Variants in AMBRA1 observed in about 807,000 individuals in gnomAD.
AMBRA1 encodes autophagy and beclin 1 regulator 1, also known as activating molecule in BECN1-regulated autophagy protein 1.
In AMBRA1, 47 loss-of-function variants were observed where a neutral mutation model predicts 125.4. The observed-to-expected ratio is 0.37, with a 90% CI of 0.30 to 0.48. AMBRA1 has a LOEUF of 0.48. Among genes scored for constraint, AMBRA1 ranks in the 20% least tolerant of loss-of-function variants. The pLI is 0.99. For synonymous variants in AMBRA1, 626 were observed against 655.5 expected (o/e 0.95, Z 0.69); for missense variants, 1,331 against 1,693.4 (o/e 0.79, Z 3.76).
intron 1 of AMBRA1, among the ~76,000 whole-genome samples, chr11:46,585,492 C>T (rs921376121): frequency 2.0e-5 from 3 of 147,882 alleles, no homozygotes; most frequent in Admixed American, 1.4e-4. Flanking sequence ...ATGGTGAAAG[C>T]CCGACTCTAC....
intron 14 of AMBRA1, among the ~76,000 whole-genome samples, chr11:46,426,197 G>A (rs542263749): frequency 1.3e-5 from 2 of 152,318 alleles, no homozygotes; most frequent in South Asian, 2.1e-4. Flanking sequence ...CAGTGATAGT[G>A]GTGGTGAGCA....
chr11:46,410,946 C>T (rs564677866), intron 15 of AMBRA1, among the ~76,000 whole-genome samples: 2 of 152,156 alleles, frequency 1.3e-5, no homozygotes, highest in South Asian at 4.2e-4. Flanking sequence ...ACTAAAAATA[C>T]AAAAATTAGC....
intron 11 of AMBRA1, among the ~76,000 whole-genome samples, chr11:46,483,549 C>A (rs1263601382): frequency 6.6e-6 from 1 of 152,128 alleles, no homozygotes; most frequent in Non-Finnish European, 1.5e-5. Flanking sequence ...AACGAGGCTG[C>A]TTGGAGATAG....
chr11:46,454,619 C>T (rs1363684493), intron 11 of AMBRA1, among the ~76,000 whole-genome samples: 1 of 149,216 alleles, frequency 6.7e-6, no homozygotes, highest in Non-Finnish European at 1.5e-5. Flanking sequence ...GGCGAGGTGG[C>T]GGGCGCCTGC....
At chr11:46,477,707 G>A (rs1949876090) in intron 11 of AMBRA1, among the ~76,000 whole-genome samples, 1 of 151,896 alleles carries the variant, frequency 6.6e-6, no homozygotes, top group South Asian at 2.1e-4. Context: ...AATATCCAGG[G>A]TTTATCAACA....
At chr11:46,483,346 A>G (rs1452146036) in intron 11 of AMBRA1, among the ~76,000 whole-genome samples, 1 of 152,192 alleles carries the variant, frequency 6.6e-6, no homozygotes, top group Admixed American at 6.5e-5. Context: ...TTTCCCCATC[A>G]TGGCTCATAC....
At chr11:46,545,018 T>C (rs557018430) in intron 5 of AMBRA1, among the ~76,000 whole-genome samples, 1 of 151,772 alleles carries the variant, frequency 6.6e-6, no homozygotes, top group South Asian at 2.1e-4. Context: ...TCCCAGATAC[T>C]CATAAGACTG....
chr11:46,432,037 T>G (rs1947479941), intron 14 of AMBRA1, among the ~76,000 whole-genome samples: 1 of 152,164 alleles, frequency 6.6e-6, no homozygotes, highest in Non-Finnish European at 1.5e-5. Context: ...TTATTTTTAT[T>G]TATTTATTTT....
chr11:46,401,267 G>GTC (rs1945744968), intron 17 of AMBRA1, among the ~76,000 whole-genome samples: 7 of 142,330 alleles, frequency 4.9e-5, no homozygotes, highest in Admixed American at 4.3e-4. Flanking sequence ...TCGAGACAGA[G>GTC]TCTCGCTCTG....
Position 46,542,516 on chromosome 11 carries a change from A to G in AMBRA1, c.1501T>C (p.Cys501Arg), listed in dbSNP as rs925956297. The G allele has an allele frequency of 5.0e-6, 8 of 1,613,308 alleles. No homozygotes were observed. Among genetic ancestry groups the G allele is most frequent in the African/African-American group, 4.0e-5 (3 of 74,922 alleles). The change falls in exon 7 of 18, where the codon TGT (cysteine) becomes CGT (arginine). Residue 501 changes from cysteine to arginine, a missense_variant. Physicochemically the swap from Cys to Arg is radical, Grantham distance 180. Coordinates refer to ENST00000683756, the MANE Select transcript of AMBRA1 (RefSeq NM_001387011.1). This position sits in a 1 kb window ranked among gnomAD's most constrained non-coding sequence, Gnocchi z 5.9. The stretch of plus-strand genomic sequence containing the variant: ...TCCAGAAAGAAGCGTCTCAGGTCAC[A>G]CTGAAGCTCATGGCGAATGCTGCCC... ...NSGSIRHELQ[C>R]DLRRFFLEYD...
In AMBRA1 at chr11:46,542,731, C is replaced by T. The variant is rs759251326; in HGVS notation, c.1286G>A (p.Arg429His). 7.4e-6 allele frequency: 12 copies of T among 1,613,888 alleles called. No homozygotes were observed. Among genetic ancestry groups the T allele is most frequent in the East Asian group, 4.5e-5 (2 of 44,874 alleles). ...WTRTVLSLNS[R>H]SEAESMPPPR... ...CGGGGGCATGGATTCCGCCTCAGAG[C>T]GGGAGTTCAGACTGAGTACTGTCCG... Residue 429 changes from arginine to histidine, a missense_variant, in exon 7 of 18, where the codon CGC becomes CAC. Physicochemically the swap from Arg to His is conservative, Grantham distance 29 (BLOSUM62 0). This residue lies in a region of AMBRA1 where 689 missense variants were observed against 776.5 expected (regional missense o/e 0.89). Coordinates refer to ENST00000683756, the MANE Select transcript of AMBRA1 (RefSeq NM_001387011.1). This position sits in a 1 kb window ranked among gnomAD's most constrained non-coding sequence, Gnocchi z 5.9.
chr11:46,578,366 A>T (rs2044037691), intron 1 of AMBRA1, among the ~76,000 whole-genome samples: 1 of 151,262 alleles, frequency 6.6e-6, no homozygotes, highest in Admixed American at 6.6e-5. Flanking sequence ...GTGCGCTTGT[A>T]ATCCCAGCTA....
At chr11:46,414,050 G>C (rs1322278960) in intron 15 of AMBRA1, among the ~76,000 whole-genome samples, 1 of 152,088 alleles carries the variant, frequency 6.6e-6, no homozygotes, top group African/African-American at 2.4e-5. Context: ...TCTGGGCCTG[G>C]CTCAACAACT....
At chr11:46,480,186 C>T (rs528306749) in intron 11 of AMBRA1, among the ~76,000 whole-genome samples, 255 of 152,300 alleles carry the variant, frequency 1.7e-3, no homozygotes, top group Non-Finnish European at 2.9e-3. Flanking sequence ...CTTCCCACCT[C>T]AAGATCTATA....
chr11:46,415,990 C>A (rs563295148), intron 15 of AMBRA1, among the ~76,000 whole-genome samples: 7 of 152,274 alleles, frequency 4.6e-5, no homozygotes, highest in Admixed American at 2.0e-4. Flanking sequence ...GAGGCCACAA[C>A]AAACTGGGTG....
chr11:46,485,995 C>T (rs1950256292), intron 11 of AMBRA1, among the ~76,000 whole-genome samples: 1 of 152,186 alleles, frequency 6.6e-6, no homozygotes, highest in Admixed American at 6.5e-5. Context: ...ACTGGGAAGG[C>T]TGAGTTCTCT....
intron 1 of AMBRA1, among the ~76,000 whole-genome samples, chr11:46,577,252 A>T (rs149208333): frequency 2.6e-5 from 4 of 152,370 alleles, no homozygotes; most frequent in African/African-American, 9.6e-5. Flanking sequence ...TGATGTATAC[A>T]CACAATGGAA....
intron 10 of AMBRA1, 106 bp downstream of exon 10, chr11:46,494,018 G>C: frequency 8.8e-7 from 1 of 1,140,424 alleles, no homozygotes; most frequent in Non-Finnish European, 1.3e-6. Context: ...GGGCCCACTA[G>C]GAAACAATGC....
intron 13 of AMBRA1, 75 bp from the exon 14 acceptor site, chr11:46,433,703 T>G (rs1247057671): frequency 4.8e-6 from 7 of 1,473,056 alleles, no homozygotes; most frequent in Non-Finnish European, 6.5e-6. Context: ...ACTCTTACTC[T>G]TGTCTTTTTC....
Sources: gnomAD v4.1 joint callset for allele counts (sites outside exome capture counted in the v4.1 genomes callset) on GRCh38, gnomAD v4.1.1 for gene constraint, gnomAD v4.1.1 regional missense constraint, Gnocchi (gnomAD v3.1) non-coding constraint, MANE v1.5 for transcripts, NCBI Gene and HGNC (gene_info 2026-07-23, HGNC 2026-07-21) for gene names.